The following TNIK variants were observed in gnomAD, a reference collection of about 807,000 sequenced individuals.
The protein encoded by TNIK is TRAF2 and NCK-interacting protein kinase.
In TNIK, 49 loss-of-function variants were observed where a neutral mutation model predicts 191.3. That is an observed-to-expected ratio of 0.26 (90% CI 0.20 to 0.32). The LOEUF (loss-of-function observed/expected upper bound fraction) is 0.32, where lower values mean the gene tolerates loss of function less well. Among genes scored for constraint, TNIK ranks in the 10% least tolerant of loss-of-function variants. The probability of loss-of-function intolerance (pLI) is 1.00; values close to 1 mark genes in which losing one functional copy is unlikely to be tolerated. For synonymous variants in TNIK, 594 were observed against 600.9 expected (o/e 0.99, Z 0.17); for missense variants, 1,155 against 1,702.3 (o/e 0.68, Z 5.66).
chr3:171,201,385 G>A (rs1739384341), intron 4 of TNIK, among the ~76,000 whole-genome samples: 4 of 152,066 alleles, frequency 2.6e-5, no homozygotes, highest in Non-Finnish European at 4.4e-5. Flanking sequence ...GGCAACAAGA[G>A]CGAAACTCCG....
chr3:171,188,285 GAAGT>G (rs1027379672), intron 7 of TNIK, among the ~76,000 whole-genome samples: 153 of 152,208 alleles, frequency 1.0e-3, no homozygotes, highest in African/African-American at 2.9e-3. Context: ...GAGCATTGTA[GAAGT>G]AAGTCAGATT....
intron 12 of TNIK, among the ~76,000 whole-genome samples, chr3:171,143,630 G>A (rs202181592): frequency 6.6e-6 from 1 of 152,264 alleles, no homozygotes; most frequent in Non-Finnish European, 1.5e-5. Context: ...ATGGCTATTT[G>A]AGTATATCTT....
At chr3:171,407,389 G>T (rs1441588937) in intron 1 of TNIK, among the ~76,000 whole-genome samples, 1 of 152,208 alleles carries the variant, frequency 6.6e-6, no homozygotes, top group African/African-American at 2.4e-5. Flanking sequence ...CGTTTTATTT[G>T]TAAAATAGAA....
At chr3:171,362,631 A>G (rs76479518) in intron 2 of TNIK, among the ~76,000 whole-genome samples, 15 of 152,304 alleles carry the variant, frequency 9.8e-5, no homozygotes, top group Non-Finnish European at 1.6e-4. Context: ...AGTGCCTACT[A>G]TGTGTCAGGC....
At chr3:171,198,158 C>G (rs542534658) in intron 4 of TNIK, among the ~76,000 whole-genome samples, 1 of 151,750 alleles carries the variant, frequency 6.6e-6, no homozygotes, top group Admixed American at 6.6e-5. Context: ...AAAGAGAAGC[C>G]AGACTGAGGC....
intron 12 of TNIK, among the ~76,000 whole-genome samples, chr3:171,154,103 A>C (rs1732837481): frequency 6.6e-6 from 1 of 152,030 alleles, no homozygotes; most frequent in South Asian, 2.1e-4. Context: ...ATGCTTAAAA[A>C]CAACAACAAC....
intron 30 of TNIK, among the ~76,000 whole-genome samples, chr3:171,068,562 C>G (rs536791034): frequency 6.6e-6 from 1 of 152,236 alleles, no homozygotes; most frequent in South Asian, 2.1e-4. Context: ...ATAATTCATG[C>G]CCTTGAAAGA....
intron 2 of TNIK, among the ~76,000 whole-genome samples, chr3:171,259,049 C>T (rs1227034580): frequency 6.6e-6 from 1 of 152,020 alleles, no homozygotes; most frequent in African/African-American, 2.4e-5. Flanking sequence ...TTGTGATTTT[C>T]CTGTGCACAG....
At chr3:171,367,335 G>GC (rs1715867086) in intron 2 of TNIK, among the ~76,000 whole-genome samples, 1 of 152,102 alleles carries the variant, frequency 6.6e-6, no homozygotes, top group Non-Finnish European at 1.5e-5. Context: ...TGGATTAGTG[G>GC]CCTCAGGAAA....
At chr3:171,226,659 A>C (rs905007602) in intron 3 of TNIK, among the ~76,000 whole-genome samples, 1 of 152,182 alleles carries the variant, frequency 6.6e-6, no homozygotes. Context: ...AATACCTAAA[A>C]CTTAAATAAT....
chr3:171,203,491 C>T (rs1164938788), intron 4 of TNIK, among the ~76,000 whole-genome samples: 2 of 152,166 alleles, frequency 1.3e-5, no homozygotes, highest in Non-Finnish European at 2.9e-5. Context: ...TAAAATACTG[C>T]TACTATTTGA....
intron 22 of TNIK, 30 bp downstream of exon 22, chr3:171,101,419 C>A: frequency 6.4e-7 from 1 of 1,561,284 alleles, no homozygotes. Context: ...AGTCCCCTCC[C>A]GGTCTACACT....
At chr3:171,205,354 G>T (rs1396601602) in intron 4 of TNIK, among the ~76,000 whole-genome samples, 1 of 152,188 alleles carries the variant, frequency 6.6e-6, no homozygotes, top group Non-Finnish European at 1.5e-5. Context: ...CTAGACAATT[G>T]CTAGAAGGGA....
chr3:171,212,044 T>C (rs1351500590), intron 3 of TNIK, among the ~76,000 whole-genome samples: 1 of 152,170 alleles, frequency 6.6e-6, no homozygotes, highest in East Asian at 1.9e-4. Flanking sequence ...GAGTGTTTTA[T>C]TGTTGAGGTT....
At chr3:171,182,774 A>T (rs1736827649) in intron 7 of TNIK, among the ~76,000 whole-genome samples, 1 of 152,178 alleles carries the variant, frequency 6.6e-6, no homozygotes, top group Admixed American at 6.5e-5. Flanking sequence ...TAGATGTCTG[A>T]ACCAGCCACA....
chr3:171,091,762 A>C (rs61792363), intron 23 of TNIK, among the ~76,000 whole-genome samples: 11,745 of 151,832 alleles, frequency 0.077, 491 homozygotes, highest in Middle Eastern at 0.13. Context: ...ATAATAAAGC[A>C]GTCTCTCTCT....
rs73882623 is a variant in TNIK, at chr3:171,157,683, G to A, written c.1017-19C>T. On this transcript the variant is annotated intron_variant, in intron 11 of 32. Transcript: ENST00000436636. ...GATGGAGCTGTGGGTAGGAGAGAGTGATCAGGATCCCACGTGGGGCAGGGG... is the reference window on the plus strand; with the variant it reads ...GATGGAGCTGTGGGTAGGAGAGAGTAATCAGGATCCCACGTGGGGCAGGGG... 6,164 of 1,551,888 alleles carry A rather than the reference G, an allele frequency of 4.0e-3. 220 individuals are homozygous for A. The African/African-American group carries it at 0.074, about 19-fold the overall frequency.
intron 2 of TNIK, among the ~76,000 whole-genome samples, chr3:171,365,688 G>C (rs1334001739): frequency 6.6e-6 from 1 of 152,172 alleles, no homozygotes; most frequent in Non-Finnish European, 1.5e-5. Context: ...GGGCTGAACA[G>C]CCAGCTGGCA....
chr3:171,302,121 G>C (rs897237466), intron 2 of TNIK, among the ~76,000 whole-genome samples: 2 of 152,122 alleles, frequency 1.3e-5, no homozygotes, highest in African/African-American at 4.8e-5. Context: ...AGGGGAGTGG[G>C]GGTGAAAAAC....
Sources: gnomAD v4.1 joint callset for allele counts (sites outside exome capture counted in the v4.1 genomes callset) on GRCh38, gnomAD v4.1.1 for gene constraint, MANE v1.5 for transcripts, NCBI Gene and HGNC (gene_info 2026-07-23, HGNC 2026-07-21) for gene names.